PCDHA1: variants seen among roughly 807,000 people sequenced by gnomAD.
The protein encoded by PCDHA1 is protocadherin alpha-1.
PCDHA1 carries 42 observed loss-of-function variants against 61.3 expected under a neutral mutation model. The ratio of observed to expected loss-of-function variants is 0.69; its 90% CI spans 0.54 to 0.89. The LOEUF is 0.89. PCDHA1 is among the 40% of genes least tolerant of loss of function. PCDHA1 has a pLI of 0.00. For missense variants in PCDHA1, 1,256 were observed against 1,235.3 expected (o/e 1.02, Z -0.25); for synonymous variants, 610 against 553.8 (o/e 1.10, Z -1.43).
intron 1 of PCDHA1, chr5:140,812,723 C>A (rs1765166434): frequency 6.6e-6 from 1 of 152,228 alleles, no homozygotes; most frequent in Admixed American, 6.5e-5. Context: ...ATTCCCAAAG[C>A]ACTGGGATTA....
chr5:140,953,456 C>T (rs1159331179), intron 1 of PCDHA1, among the ~76,000 whole-genome samples: 1 of 152,110 alleles, frequency 6.6e-6, no homozygotes, highest in Admixed American at 6.5e-5. Context: ...GATTATCTGT[C>T]AGAGTTTTAA....
intron 1 of PCDHA1, chr5:140,857,788 GCTGCGGTCGGTGGTTGCGGGT>G: frequency 6.3e-7 from 1 of 1,597,732 alleles, no homozygotes; most frequent in South Asian, 1.1e-5. Flanking sequence ...GTGAGCTGGT[GCTGCGGTCGGTGGTTGCGGGT>G]CACGTGGTGG....
intron 1 of PCDHA1, chr5:140,929,314 G>A: frequency 6.4e-7 from 1 of 1,560,184 alleles, no homozygotes; most frequent in Non-Finnish European, 8.7e-7. Flanking sequence ...TCACGCTAAT[G>A]TCAATGCCAT....
intron 1 of PCDHA1, among the ~76,000 whole-genome samples, chr5:140,912,783 A>G (rs1287611610): frequency 6.6e-6 from 1 of 152,166 alleles, no homozygotes; most frequent in African/African-American, 2.4e-5. Context: ...TGTCCCTTCT[A>G]TGCCAATTTT....
chr5:140,999,812 G>A (rs1305602487), intron 3 of PCDHA1, among the ~76,000 whole-genome samples: 2 of 152,270 alleles, frequency 1.3e-5, no homozygotes, highest in East Asian at 3.9e-4. Flanking sequence ...CACAAAGCAA[G>A]AGCTGTGGCT....
intron 1 of PCDHA1, among the ~76,000 whole-genome samples, chr5:140,901,976 T>C (rs1470395593): frequency 6.6e-6 from 1 of 152,164 alleles, no homozygotes; most frequent in African/African-American, 2.4e-5. Context: ...ATGGGATTAC[T>C]TTTTAATTTC....
At chr5:140,865,393 T>C (rs1484152946) in intron 1 of PCDHA1, 1 of 152,180 alleles carries the variant, frequency 6.6e-6, no homozygotes, top group Admixed American at 6.5e-5. Flanking sequence ...AAAGTTAATA[T>C]AAATGCTGAA....
At chr5:140,893,219 G>T (rs1273209081) in intron 1 of PCDHA1, among the ~76,000 whole-genome samples, 1 of 152,194 alleles carries the variant, frequency 6.6e-6, no homozygotes. Context: ...GGAGGTGCAG[G>T]TATCACTTTG....
At chr5:140,933,073 T>C (rs1198976304) in intron 1 of PCDHA1, among the ~76,000 whole-genome samples, 1 of 152,026 alleles carries the variant, frequency 6.6e-6, no homozygotes, top group Non-Finnish European at 1.5e-5. Context: ...TAAAGTATTA[T>C]GGGAAGTAAG....
intron 1 of PCDHA1, among the ~76,000 whole-genome samples, chr5:140,940,939 C>T (rs930086780): frequency 2.0e-5 from 3 of 152,154 alleles, no homozygotes; most frequent in African/African-American, 2.4e-5. Context: ...ACTTAGACTA[C>T]GTATTCTCAG....
intron 1 of PCDHA1, chr5:140,816,193 T>G (rs1765862162): frequency 6.6e-6 from 1 of 152,218 alleles, no homozygotes; most frequent in Non-Finnish European, 1.5e-5. Context: ...TTTACTCTCT[T>G]TCATTTCTTG....
rs2150425663 is a variant in PCDHA1, at chr5:140,848,940, G to A, written c.2394+60256G>A. On this transcript the variant is annotated intron_variant, in intron 1 of 3. Coordinates refer to ENST00000504120, the MANE Select transcript of PCDHA1 (RefSeq NM_018900.4). The stretch of plus-strand genomic sequence containing the variant: ...GTTCATCGCGGAATCCAGGCCGCTT[G>A]ACTCTCGGTTTCCACTAGAGGGCGC... 7.5e-6 allele frequency: 12 copies of A among 1,607,456 alleles called. No individual in the cohort carries two copies. In the South Asian group the frequency reaches 1.2e-4, roughly 16 times the overall value.
chr5:140,804,596 A>G (rs891992121), intron 1 of PCDHA1: 1 of 152,416 alleles, frequency 6.6e-6, no homozygotes, highest in Non-Finnish European at 1.5e-5. Context: ...TGATAAGCCA[A>G]TGTTATAATG....
Position 140,891,839 on chromosome 5 carries a change from T to C in PCDHA1, c.2395-87110T>C, listed in dbSNP as rs10074902. Among the ~76,000 whole-genome samples, 663 of 152,284 alleles carry C rather than the reference T, an allele frequency of 4.4e-3. 7 individuals carry two copies. The highest frequency in any genetic ancestry group is 0.015 in the African/African-American group (618 of 41,564). On this transcript the variant is annotated intron_variant, in intron 1 of 3. Coordinates refer to ENST00000504120, the MANE Select transcript of PCDHA1 (RefSeq NM_018900.4). ...TTAACGGCACTGTAAAAGGACTTGA[T>C]GGAAGGAGCCTGTCCCTCTCTTATG...
intron 1 of PCDHA1, among the ~76,000 whole-genome samples, chr5:140,971,538 C>T (rs1162304462): frequency 6.6e-6 from 1 of 152,122 alleles, no homozygotes; most frequent in African/African-American, 2.4e-5. Flanking sequence ...GTCATCATTG[C>T]CAGATCAACC....
chr5:140,937,812 T>A (rs930837901), intron 1 of PCDHA1, among the ~76,000 whole-genome samples: 3 of 150,742 alleles, frequency 2.0e-5, no homozygotes, highest in Non-Finnish European at 4.4e-5. Flanking sequence ...CTCGGGAAGC[T>A]GAGGCAGGAG....
At chr5:140,937,328 C>T (rs191377007) in intron 1 of PCDHA1, among the ~76,000 whole-genome samples, 9 of 152,066 alleles carry the variant, frequency 5.9e-5, no homozygotes, top group Admixed American at 5.2e-4. Context: ...TGAGCCACCG[C>T]GCCCGGCTTC....
At chr5:140,843,524 G>A (rs2150361987) in intron 1 of PCDHA1, 4 of 1,595,982 alleles carry the variant, frequency 2.5e-6, no homozygotes, top group East Asian at 4.5e-5. Flanking sequence ...GTGCCGGGCG[G>A]GCAAGCCCAC....
At position 140,880,762 on chromosome 5, in the gene PCDHA1, G is replaced by A. The variant is rs2153374847; in HGVS notation, c.2394+92078G>A. 3.9e-5 allele frequency among the ~76,000 whole-genome samples: 6 copies of A among 152,350 alleles called. No homozygotes were observed. The Middle Eastern group carries it at 0.014, about 345-fold the overall frequency. On this transcript the variant is annotated intron_variant, in intron 1 of 3. Coordinates refer to ENST00000504120, the MANE Select transcript of PCDHA1 (RefSeq NM_018900.4). ...GGATTGTCAGTGTAACTGCGTGTTGGAGGCTAAAAAGAATGTTAGAGGAGT... is the reference window on the plus strand; with the variant it reads ...GGATTGTCAGTGTAACTGCGTGTTGAAGGCTAAAAAGAATGTTAGAGGAGT...
Sources: allele counts gnomAD v4.1 joint callset (sites outside exome capture counted in the v4.1 genomes callset), GRCh38; gene constraint gnomAD v4.1.1; transcripts MANE v1.5; gene names NCBI Gene and HGNC (gene_info 2026-07-23, HGNC 2026-07-21).